The following BICC1 variants were observed in gnomAD, a reference collection of about 807,000 sequenced individuals.
BICC1 encodes BicC family RNA binding protein 1.
In BICC1, 43 loss-of-function variants were observed where a neutral mutation model predicts 111.0. The observed-to-expected ratio is 0.39, with a 90% CI of 0.30 to 0.50. The LOEUF (loss-of-function observed/expected upper bound fraction) is 0.50, where lower values mean the gene tolerates loss of function less well. Ranked by LOEUF, BICC1 falls within the 20% of genes least tolerant of loss-of-function variation. The probability of loss-of-function intolerance (pLI) is 0.88; values close to 1 mark genes in which losing one functional copy is unlikely to be tolerated. For synonymous variants in BICC1, 467 were observed against 434.4 expected (o/e 1.07, Z -0.93); for missense variants, 1,091 against 1,203.2 (o/e 0.91, Z 1.38).
rs1297436901 is a variant in BICC1, at chr10:58,829,551, T to G, written c.*660T>G. 1 of 152,146 alleles carries G rather than the reference T, an allele frequency of 6.6e-6. No homozygotes were observed. Among genetic ancestry groups the G allele is most frequent in the Non-Finnish European group, 1.5e-5 (1 of 68,008 alleles). The allele number at this position is 152,146 out of a possible 1,614,324, so 9.4% of individuals were successfully genotyped here. A position where few individuals can be genotyped will look rare whatever the true frequency, so the allele number is the denominator to read the frequency against. Reference sequence around the variant, plus strand: ...AGTTTCTGTGCAGAATATTCTGTGATTTTGGGAAATGTAAGTGAGTCCACT... The same window carrying G: ...AGTTTCTGTGCAGAATATTCTGTGAGTTTGGGAAATGTAAGTGAGTCCACT... On this transcript the variant is annotated 3_prime_UTR_variant, in exon 21 of 21. Coordinates refer to ENST00000373886, the MANE Select transcript of BICC1 (RefSeq NM_001080512.3).
chr10:58,624,595 G>GT (rs1331568969), intron 2 of BICC1, among the ~76,000 whole-genome samples: 3 of 151,838 alleles, frequency 2.0e-5, no homozygotes, highest in Non-Finnish European at 4.4e-5. Context: ...TTTTGTTTTT[G>GT]TTTTTTGTGT....
chr10:58,707,504 T>C lies in BICC1; in HGVS notation c.307+5361T>C, dbSNP rs552514301. Among the ~76,000 whole-genome samples the C allele has an allele frequency of 4.0e-5, 6 of 151,540 alleles. No individual in the cohort carries two copies. The South Asian group carries it at 1.0e-3, about 26-fold the overall frequency. On this transcript the variant is annotated intron_variant, in intron 3 of 20. Transcript: ENST00000373886. ...CCAACTAGGTTAAAAAAAAATAGAG[T>C]GTAAGGGCATTGTTTGTTATTAAAT...
chr10:58,718,890 C>T (rs986460543), intron 3 of BICC1, among the ~76,000 whole-genome samples: 2 of 151,990 alleles, frequency 1.3e-5, no homozygotes, highest in African/African-American at 2.4e-5. Flanking sequence ...TCTGAGTTTT[C>T]TTGGTGTAAC....
chr10:58,569,308 G>C (rs1010834889), intron 1 of BICC1, among the ~76,000 whole-genome samples: 1 of 152,072 alleles, frequency 6.6e-6, no homozygotes, highest in Non-Finnish European at 1.5e-5. Context: ...ATACAGTGTT[G>C]CATTTTTCTT....
At chr10:58,785,276 T>C (rs1842978401) in intron 4 of BICC1, among the ~76,000 whole-genome samples, 196 bp downstream of exon 4, 1 of 152,262 alleles carries the variant, frequency 6.6e-6, no homozygotes, top group Non-Finnish European at 1.5e-5. Flanking sequence ...GCTGAGTAAT[T>C]GAACTATACA....
chr10:58,639,479 C>T (rs1266120512), intron 2 of BICC1, among the ~76,000 whole-genome samples: 1 of 149,664 alleles, frequency 6.7e-6, no homozygotes, highest in Non-Finnish European at 1.5e-5. Context: ...ACTGCAACCT[C>T]TGCCTCCTGG....
chr10:58,642,018 A>C (rs143310903), intron 2 of BICC1, among the ~76,000 whole-genome samples: 1 of 152,244 alleles, frequency 6.6e-6, no homozygotes, highest in African/African-American at 2.4e-5. Context: ...GGAAGACACA[A>C]TTTGAAATTG....
chr10:58,734,752 G>A (rs561050152), intron 3 of BICC1, among the ~76,000 whole-genome samples: 13 of 152,296 alleles, frequency 8.5e-5, no homozygotes, highest in South Asian at 8.3e-4. Context: ...CAAGCTGTCT[G>A]CAGTGGCTTC....
chr10:58,666,802 C>A (rs1449336681), intron 2 of BICC1, among the ~76,000 whole-genome samples: 1 of 152,082 alleles, frequency 6.6e-6, no homozygotes, highest in Non-Finnish European at 1.5e-5. Flanking sequence ...GCATAGTAGC[C>A]ATTCAATTGC....
At chr10:58,515,009 AG>A (rs758194570) in intron 1 of BICC1, among the ~76,000 whole-genome samples, 1 of 152,238 alleles carries the variant, frequency 6.6e-6, no homozygotes, top group Non-Finnish European at 1.5e-5. Context: ...CAAACAAGTA[AG>A]GACAGTGATG....
chr10:58,638,809 A>C (rs1274045564), intron 2 of BICC1, among the ~76,000 whole-genome samples: 1 of 152,142 alleles, frequency 6.6e-6, no homozygotes, highest in Admixed American at 6.5e-5. Flanking sequence ...GGTAGAACTA[A>C]GCATATGGTC....
chr10:58,623,725 C>T (rs959319250), intron 2 of BICC1, among the ~76,000 whole-genome samples: 8 of 152,162 alleles, frequency 5.3e-5, no homozygotes, highest in South Asian at 2.1e-4. Context: ...TTGGTCACAA[C>T]CATGTCCAAT....
At chr10:58,712,638 G>A (rs1457295696) in intron 3 of BICC1, among the ~76,000 whole-genome samples, 1 of 152,182 alleles carries the variant, frequency 6.6e-6, no homozygotes, top group Admixed American at 6.5e-5. Context: ...TCAACTCTAT[G>A]TCATTGTAGA....
At chr10:58,594,348 G>GAC (rs1844740404) in intron 1 of BICC1, among the ~76,000 whole-genome samples, 1 of 151,990 alleles carries the variant, frequency 6.6e-6, no homozygotes, top group Non-Finnish European at 1.5e-5. Flanking sequence ...AAGACAGGTC[G>GAC]ACATTCAAAT....
chr10:58,754,933 G>A (rs755443137), intron 3 of BICC1, among the ~76,000 whole-genome samples: 19 of 152,170 alleles, frequency 1.2e-4, no homozygotes, highest in Non-Finnish European at 2.5e-4. Flanking sequence ...GATTGCGAGT[G>A]AGCCCCTTAT....
At chr10:58,708,796 G>T (rs1159919724) in intron 3 of BICC1, among the ~76,000 whole-genome samples, 1 of 152,192 alleles carries the variant, frequency 6.6e-6, no homozygotes, top group East Asian at 1.9e-4. Flanking sequence ...TAGCCCCCAG[G>T]TGGTCTTTTC....
intron 1 of BICC1, among the ~76,000 whole-genome samples, chr10:58,553,181 A>T (rs571548909): frequency 1.3e-5 from 2 of 152,228 alleles, no homozygotes; most frequent in African/African-American, 4.8e-5. Context: ...AAATCCCTGG[A>T]ACTTGTGACT....
intron 1 of BICC1, among the ~76,000 whole-genome samples, chr10:58,608,686 C>T (rs984849541): frequency 1.8e-4 from 27 of 152,116 alleles, no homozygotes; most frequent in Admixed American, 6.5e-4. Flanking sequence ...CAGGGTGCTG[C>T]TTTGCATATT....
rs542371147 is a variant in BICC1, at chr10:58,628,152, G to T, written c.237+7251G>T. Among the ~76,000 whole-genome samples, 80 of 152,160 alleles carry T rather than the reference G, an allele frequency of 5.3e-4. 2 individuals are homozygous for T. The South Asian group carries it at 8.5e-3, about 16-fold the overall frequency. On this transcript the variant is annotated intron_variant, in intron 2 of 20. Transcript: ENST00000373886. ...TGTGATTGGTTTTTATTTTCTTTCT[G>T]TACTTTCCTACAATGGACCTCCATT...
Sources: allele counts gnomAD v4.1 joint callset (sites outside exome capture counted in the v4.1 genomes callset), GRCh38; gene constraint gnomAD v4.1.1; transcripts MANE v1.5; gene names NCBI Gene and HGNC (gene_info 2026-07-23, HGNC 2026-07-21).